The following STIL variants were observed in gnomAD, a reference collection of about 807,000 sequenced individuals.
STIL encodes the protein SCL-interrupting locus protein.
In STIL, 55 loss-of-function variants were observed where a neutral mutation model predicts 110.1. The ratio of observed to expected loss-of-function variants is 0.50; its 90% CI spans 0.40 to 0.63. The LOEUF is 0.63. Among genes scored for constraint, STIL ranks in the 20% least tolerant of loss-of-function variants. The pLI, the probability that STIL is intolerant of heterozygous loss-of-function variation, is 0.00. For synonymous variants in STIL, 481 were observed against 530.0 expected (o/e 0.91, Z 1.27); for missense variants, 1,358 against 1,530.0 (o/e 0.89, Z 1.87).
intron 16 of STIL, among the ~76,000 whole-genome samples, chr1:47,259,264 G>A (rs1367174534): frequency 6.9e-6 from 1 of 145,266 alleles, no homozygotes; most frequent in Non-Finnish European, 1.5e-5. Context: ...GGGATTACAG[G>A]TGTGAGGTAC....
intron 12 of STIL, 144 bp downstream of exon 12, chr1:47,280,097 G>A (rs1645114353): frequency 2.8e-6 from 3 of 1,081,324 alleles, no homozygotes; most frequent in South Asian, 1.4e-5. Context: ...TGTAAAACAA[G>A]AGGGCCTAGA....
intron 3 of STIL, among the ~76,000 whole-genome samples, chr1:47,302,603 T>C (rs190917993): frequency 2.0e-5 from 3 of 152,256 alleles, no homozygotes; most frequent in African/African-American, 2.4e-5. Flanking sequence ...AGGTCTCCTG[T>C]TTTTGTAAGT....
chr1:47,310,288 TG>T lies in STIL; in HGVS notation c.31del (p.Gln11ArgfsTer2). On this transcript the variant is annotated frameshift_variant, in exon 2 of 17. Coordinates refer to ENST00000371877, the MANE Select transcript of STIL (RefSeq NM_001048166.1). LOFTEE classifies it high-confidence loss of function. MEPIYPFARP[Q>X]MNTRFPSSRM... is the part of the protein sequence containing the mutation. ...TATACTTCTATACCTGGTATTCATC[TG>T]GGGCCGTGCAAAAGGATATATAGGC... The T allele has an allele frequency of 6.2e-7, 1 of 1,613,176 alleles. No homozygotes were observed. The highest frequency in any genetic ancestry group is 8.5e-7 in the Non-Finnish European group (1 of 1,179,598).
intron 4 of STIL, 27 bp downstream of exon 4, chr1:47,302,207 A>G: frequency 1.3e-6 from 2 of 1,530,950 alleles, no homozygotes; most frequent in Admixed American, 1.7e-5. Context: ...AGGCGTGAGC[A>G]CTGGTCCATT....
Position 47,280,292 on chromosome 1 carries a change from T to A in STIL, c.2166A>T (p.Ala722=). The change falls in exon 12 of 17, where the codon GCA becomes GCT. Residue 722 remains alanine (A), a synonymous_variant. Coordinates refer to ENST00000371877, the MANE Select transcript of STIL (RefSeq NM_001048166.1). ...TGTCTTGTTCTGTGAGGAACCGATA[T>A]GCATCTGGAGATAGTCCCATCATTC... is the stretch of plus-strand genomic sequence containing the variant. The part of the protein sequence containing the change: ...DNGMMGLSPD[A]YRFLTEQDRQ... 1 of 1,614,240 alleles carries A rather than the reference T, an allele frequency of 6.2e-7. No homozygotes were observed. Among genetic ancestry groups the A allele is most frequent in the African/African-American group, 1.3e-5 (1 of 75,066 alleles).
chr1:47,282,215 T>C (rs1024059263), intron 11 of STIL, 130 bp downstream of exon 11: 1 of 667,300 alleles, frequency 1.5e-6, no homozygotes, highest in Non-Finnish European at 2.7e-6. Flanking sequence ...GATATAACCA[T>C]AGAGATAGAA....
At chr1:47,296,341 T>G (rs1645641347) in intron 6 of STIL, among the ~76,000 whole-genome samples, 1 of 152,142 alleles carries the variant, frequency 6.6e-6, no homozygotes, top group South Asian at 2.1e-4. Context: ...CCAACCACTG[T>G]CAAAGGACTT....
Position 47,250,316 on chromosome 1 carries a change from ATC to A in STIL, c.*818_*819del, listed in dbSNP as rs1381018964. ...AACCCACCATACTGCAAAAAGCTGT[ATC>A]TCGAGTTTAATCAACATGCATCCTA... On this transcript the variant is annotated 3_prime_UTR_variant, in exon 17 of 17. Transcript: ENST00000371877. 1 of 175,574 alleles carries A rather than the reference ATC, an allele frequency of 5.7e-6. No homozygotes were observed. Among genetic ancestry groups the A allele is most frequent in the African/African-American group, 2.4e-5 (1 of 42,206 alleles). 10.9% of individuals were successfully genotyped at this position (175,574 alleles called of 1,614,324 possible).
At chr1:47,257,801 C>T (rs1644367924) in intron 16 of STIL, among the ~76,000 whole-genome samples, 1 of 152,200 alleles carries the variant, frequency 6.6e-6, no homozygotes, top group African/African-American at 2.4e-5. Context: ...CCCCACTGAA[C>T]TGTAAACTCT....
intron 9 of STIL, among the ~76,000 whole-genome samples, chr1:47,288,016 A>G (rs1369700555): frequency 6.7e-6 from 1 of 148,280 alleles, no homozygotes; most frequent in Non-Finnish European, 1.5e-5. Flanking sequence ...TATAATATAT[A>G]ATATAAAGGT....
In STIL at chr1:47,251,717, G is replaced by A; in HGVS notation, c.3286C>T (p.Leu1096Phe). 6.2e-7 allele frequency: 1 copy of A among 1,614,198 alleles called. No individual in the cohort carries two copies. The highest frequency in any genetic ancestry group is 8.5e-7 in the Non-Finnish European group (1 of 1,180,044). The change falls in exon 17 of 17, where the codon CTT (leucine) becomes TTT (phenylalanine). Residue 1096 changes from leucine (L) to phenylalanine (F), a missense_variant. By Grantham distance (22) the Leu-to-Phe change is conservative (BLOSUM62 0). Transcript: ENST00000371877. ...SNQNNCDPFS[L>F]LHINTDRSTV... ...CTTCTGTCTGTATTAATATGGAGAA[G>A]GCTGAATGGGTCACAATTATTTTGG...
chr1:47,280,204 C>T, intron 12 of STIL, 37 bp downstream of exon 12: 1 of 1,613,442 alleles, frequency 6.2e-7, no homozygotes, highest in Non-Finnish European at 8.5e-7. Flanking sequence ...ATCTTAATAC[C>T]AAGAAATTAA....
intron 12 of STIL, among the ~76,000 whole-genome samples, chr1:47,272,997 G>C (rs754758649): frequency 6.6e-6 from 1 of 152,136 alleles, no homozygotes; most frequent in Non-Finnish European, 1.5e-5. Flanking sequence ...AGCGCCTGTT[G>C]TTTGCAAGAC....
Position 47,251,009 on chromosome 1 carries a change from C to G in STIL, c.*127G>C. The G allele has an allele frequency of 1.1e-6, 1 of 872,200 alleles. No individual in the cohort carries two copies. The highest frequency in any genetic ancestry group is 2.6e-5 in the East Asian group (1 of 37,984). The allele number at this position is 872,200 out of a possible 1,614,324, so 54.0% of individuals were successfully genotyped here. ...AGCCATCTCACAGAAGTCACTCTTC[C>G]CAATTGGCTGCTACCAAGAAACAGT... On this transcript the variant is annotated 3_prime_UTR_variant, in exon 17 of 17. Transcript: ENST00000371877.
intron 16 of STIL, among the ~76,000 whole-genome samples, chr1:47,252,529 C>T (rs894987128): frequency 2.0e-5 from 3 of 151,974 alleles, no homozygotes; most frequent in African/African-American, 7.2e-5. Flanking sequence ...AAATACAAGG[C>T]CCCAAATGTA....
intron 12 of STIL, among the ~76,000 whole-genome samples, chr1:47,279,806 A>G (rs898132456): frequency 3.9e-5 from 6 of 152,128 alleles, no homozygotes; most frequent in Non-Finnish European, 8.8e-5. Flanking sequence ...TTCAGAAAAC[A>G]AGAAGTAGAA....
intron 12 of STIL, among the ~76,000 whole-genome samples, chr1:47,278,660 A>G (rs1645058007): frequency 6.6e-6 from 1 of 152,140 alleles, no homozygotes; most frequent in African/African-American, 2.4e-5. Flanking sequence ...TTATAATGTT[A>G]AAATCCAATT....
chr1:47,305,971 T>A (rs1645949601), intron 2 of STIL, among the ~76,000 whole-genome samples: 1 of 151,676 alleles, frequency 6.6e-6, no homozygotes, highest in Non-Finnish European at 1.5e-5. Context: ...GACGTCATGA[T>A]CTACCCGCCT....
chr1:47,284,443 C>T (rs971700997), intron 10 of STIL, among the ~76,000 whole-genome samples: 3 of 152,164 alleles, frequency 2.0e-5, no homozygotes, highest in South Asian at 2.1e-4. Context: ...CTCCCCAACT[C>T]GACTTCTTGG....
Sources: allele counts gnomAD v4.1 joint callset (sites outside exome capture counted in the v4.1 genomes callset), GRCh38; gene constraint gnomAD v4.1.1; transcripts MANE v1.5; gene names NCBI Gene and HGNC (gene_info 2026-07-23, HGNC 2026-07-21).